The following ACIN1 variants were observed in gnomAD, a reference collection of about 807,000 sequenced individuals.
ACIN1 encodes the protein apoptotic chromatin condensation inducer 1.
In ACIN1, 16 loss-of-function variants were observed where a neutral mutation model predicts 146.6. The observed-to-expected ratio is 0.11, with a 90% confidence interval of 0.07 to 0.17. The LOEUF is 0.17. ACIN1 is among the 10% of genes least tolerant of loss of function. The pLI is 1.00. For missense variants in ACIN1, 1,357 were observed against 1,609.3 expected (o/e 0.84, Z 2.68); for synonymous variants, 569 against 582.7 (o/e 0.98, Z 0.34).
rs905675829 is a variant in ACIN1 at position 23,064,364 on chromosome 14, T to C, written c.2433A>G (p.Glu811=). ...QKKPSISITT[E]SLKSLIPDIK... ...GCTCCTCCCACCTCACCTTTAGTGA[T>C]TCAGTGGTGATACTGATGGAAGGTT... Residue 811 remains glutamate (E), a synonymous_variant, in exon 11 of 19, where the codon GAA becomes GAG. Transcript: ENST00000605057. 4 of 1,614,148 alleles carry C rather than the reference T, an allele frequency of 2.5e-6. No homozygotes were observed. In the African/African-American group the frequency reaches 4.0e-5, roughly 16 times the overall value.
chr14:23,090,159 A>C, intron 3 of ACIN1, 58 bp from the exon 4 acceptor site: 4 of 1,585,666 alleles, frequency 2.5e-6, no homozygotes, highest in Non-Finnish European at 3.4e-6. Context: ...GCATGTAGGA[A>C]TATGTAGAGG....
At position 23,065,891 on chromosome 14, in the gene ACIN1, G is replaced by T. The variant is rs138639233; in HGVS notation, c.2308+75C>A. ...GTGACCCAAGAATGCCATTGAGAAT[G>T]AAATTCTGGTTCTCAATGAATGCTG... On this transcript the variant is annotated intron_variant, in intron 10 of 18. Coordinates refer to ENST00000605057, the MANE Select transcript of ACIN1 (RefSeq NM_001386863.1). 23 of 1,390,824 alleles carry T rather than the reference G, an allele frequency of 1.7e-5. 1 individual carries two copies. In the East Asian group the frequency reaches 2.5e-4, roughly 15 times the overall value. 86.2% of individuals were successfully genotyped at this position (1,390,824 alleles called of 1,614,324 possible).
chr14:23,071,494 T>C (rs2047652267), intron 8 of ACIN1: 3 of 1,551,680 alleles, frequency 1.9e-6, no homozygotes, highest in Admixed American at 3.9e-5. Context: ...CTGCTGGTAG[T>C]GGCTGGCTCT....
chr14:23,061,005 G>T, intron 18 of ACIN1, 79 bp downstream of exon 18: 2 of 1,351,816 alleles, frequency 1.5e-6, no homozygotes, highest in Non-Finnish European at 2.1e-6. Context: ...ACTCACTCTC[G>T]CAGTCACATG....
intron 5 of ACIN1, among the ~76,000 whole-genome samples, chr14:23,081,043 G>A (rs1038874234): frequency 2.0e-5 from 3 of 150,436 alleles, no homozygotes; most frequent in Admixed American, 2.0e-4. Flanking sequence ...TTAAATTTTA[G>A]CTTCAAGCAC....
chr14:23,090,480 A>G, intron 3 of ACIN1, 42 bp downstream of exon 3: 12 of 1,558,506 alleles, frequency 7.7e-6, no homozygotes, highest in Non-Finnish European at 1.1e-5. Context: ...GACAGGGATA[A>G]GAATGACGAA....
At position 23,067,180 on chromosome 14, in the gene ACIN1, A is replaced by G; in HGVS notation, c.2266-1172T>C. The G allele has an allele frequency of 1.5e-6, 1 of 655,054 alleles. No individual in the cohort carries two copies. Among genetic ancestry groups the G allele is most frequent in the Non-Finnish European group, 1.9e-6 (1 of 528,470 alleles). The allele number at this position is 655,054 out of a possible 1,614,324, so 40.6% of individuals were successfully genotyped here. On this transcript the variant is annotated intron_variant, in intron 9 of 18. Transcript: ENST00000605057. This position sits in a 1 kb window ranked among gnomAD's most constrained non-coding sequence, Gnocchi z 4.6. Reference sequence around the variant, plus strand: ...AATTAAAACAGGAAAAACATGAACCAAATAAATAAATAAAAGAAATCAGAA... The same window carrying G: ...AATTAAAACAGGAAAAACATGAACCGAATAAATAAATAAAAGAAATCAGAA...
intron 16 of ACIN1, among the ~76,000 whole-genome samples, chr14:23,061,941 T>C (rs1312693495): frequency 8.2e-6 from 1 of 122,614 alleles, no homozygotes; most frequent in African/African-American, 3.4e-5. Flanking sequence ...GCCACTGCAC[T>C]CCAGCCTGGG....
At chr14:23,095,235 T>G, upstream of ACIN1, 3 of 1,611,660 alleles carry the variant, frequency 1.9e-6, no homozygotes, top group East Asian at 4.5e-5. Context: ...CGATTACCAC[T>G]CAGAACTCCC....
intron 4 of ACIN1, among the ~76,000 whole-genome samples, chr14:23,089,651 G>C (rs556762277): frequency 6.6e-6 from 1 of 152,298 alleles, no homozygotes; most frequent in African/African-American, 2.4e-5. Flanking sequence ...TCCAGAGGGT[G>C]ACTGAATGTG....
chr14:23,078,489 T>A (rs553845463), intron 7 of ACIN1, among the ~76,000 whole-genome samples: 1 of 152,348 alleles, frequency 6.6e-6, no homozygotes, highest in African/African-American at 2.4e-5. Context: ...TCAGAATTTT[T>A]AATTTTTTTC....
chr14:23,068,969 T>C lies in ACIN1; in HGVS notation c.2265+507A>G. On this transcript the variant is annotated intron_variant, in intron 9 of 18. Transcript: ENST00000605057. The surrounding 1 kb of genome is among the most constrained non-coding windows in gnomAD (Gnocchi z 4.3). ...GTCACAGGTAACTGAGAATGGGCCTTCCGGATCACAAGTGCTGGCTTCTAA... is the reference window on the plus strand; with the variant it reads ...GTCACAGGTAACTGAGAATGGGCCTCCCGGATCACAAGTGCTGGCTTCTAA... 1.0e-6 allele frequency: 1 copy of C among 985,582 alleles called. No individual in the cohort carries two copies. Among genetic ancestry groups the C allele is most frequent in the Non-Finnish European group, 1.2e-6 (1 of 830,152 alleles). The allele number at this position is 985,582 out of a possible 1,614,324, so 61.1% of individuals were successfully genotyped here.
At chr14:23,080,965 G>A (rs928953018) in intron 5 of ACIN1, among the ~76,000 whole-genome samples, 156 bp from the exon 6 acceptor site, 4 of 152,056 alleles carry the variant, frequency 2.6e-5, no homozygotes, top group East Asian at 1.9e-4. Context: ...CATGACTAAC[G>A]TAGCCCTTAG....
Position 23,090,663 on chromosome 14 carries a change from T to C in ACIN1, c.205-30A>G, listed in dbSNP as rs549156066. 4 of 1,559,098 alleles carry C rather than the reference T, an allele frequency of 2.6e-6. No homozygotes were observed. In the African/African-American group the frequency reaches 4.1e-5, roughly 16 times the overall value. On this transcript the variant is annotated intron_variant, in intron 2 of 18. Coordinates refer to ENST00000605057, the MANE Select transcript of ACIN1 (RefSeq NM_001386863.1). ...GTAGAGGAAATGAAAACAGAGGGTC[T>C]AGGAAAACAAACCAGGAGAATGCAA...
chr14:23,059,634 TCTCC>T (rs2047203664), intron 18 of ACIN1, among the ~76,000 whole-genome samples, 160 bp from the exon 19 acceptor site: 1 of 148,614 alleles, frequency 6.7e-6, no homozygotes, highest in Admixed American at 6.7e-5. Context: ...AGAGCACCTC[TCTCC>T]CTCCTAGTTT....
intron 4 of ACIN1, among the ~76,000 whole-genome samples, chr14:23,082,206 A>C (rs2047961269): frequency 6.6e-6 from 1 of 152,192 alleles, no homozygotes; most frequent in South Asian, 2.1e-4. Flanking sequence ...AAAGTTTAAG[A>C]CTTCATTATG....
chr14:23,078,342 GA>G, intron 7 of ACIN1, 76 bp from the exon 8 acceptor site: 8 of 1,319,484 alleles, frequency 6.1e-6, no homozygotes, highest in Non-Finnish European at 7.6e-6. Context: ...CCTGGAGCCT[GA>G]AAAAGGCAGG....
chr14:23,079,078 A>T, intron 6 of ACIN1, 40 bp from the exon 7 acceptor site: 2 of 1,568,168 alleles, frequency 1.3e-6, no homozygotes, highest in Non-Finnish European at 1.7e-6. Context: ...AAATTATTGT[A>T]TATGGTATAT....
At chr14:23,084,629 A>C (rs1042670496) in intron 4 of ACIN1, among the ~76,000 whole-genome samples, 1 of 151,968 alleles carries the variant, frequency 6.6e-6, no homozygotes, top group African/African-American at 2.4e-5. Context: ...AAAAAAAAAA[A>C]AAAACCCAAA....
Sources: gnomAD v4.1 joint callset for allele counts (sites outside exome capture counted in the v4.1 genomes callset) on GRCh38, gnomAD v4.1.1 for gene constraint, Gnocchi (gnomAD v3.1) non-coding constraint, MANE v1.5 for transcripts, NCBI Gene and HGNC (gene_info 2026-07-23, HGNC 2026-07-21) for gene names.